The following ZNF793 variants were observed in gnomAD, a reference collection of about 807,000 sequenced individuals.
The protein encoded by ZNF793 is zinc finger protein 793.
In ZNF793, 5 loss-of-function variants were observed where a neutral mutation model predicts 12.4. The observed-to-expected ratio is 0.40, with a 90% CI of 0.21 to 0.84. ZNF793 has a LOEUF of 0.84. ZNF793 is among the 40% of genes least tolerant of loss of function. ZNF793 has a pLI of 0.35. For missense variants in ZNF793, 456 were observed against 495.0 expected (o/e 0.92, Z 0.75); for synonymous variants, 162 against 172.4 (o/e 0.94, Z 0.47).
In ZNF793 at chr19:37,512,387, T is replaced by C. The variant is rs571064160; in HGVS notation, c.-276+3984T>C. ...AAAATTAGCCAGGGGTGGTGGTGCG[T>C]GCCTGTAGTCCCAGCTACTCAGGAG... On this transcript the variant is annotated intron_variant, in intron 2 of 7. Coordinates refer to ENST00000627814, the MANE Select transcript of ZNF793 (RefSeq NM_001013659.3). Among the ~76,000 whole-genome samples the C allele has an allele frequency of 3.7e-3, 568 of 151,894 alleles. 6 individuals are homozygous for C. Among genetic ancestry groups the C allele is most frequent in the African/African-American group, 0.013 (544 of 41,446 alleles).
At position 37,506,965 on chromosome 19, in the gene ZNF793, C is replaced by T. The variant is rs1458702442; in HGVS notation, c.-416C>T. On this transcript the variant is annotated splice_region_variant and 5_prime_UTR_variant, in exon 1 of 8. Coordinates refer to ENST00000627814, the MANE Select transcript of ZNF793 (RefSeq NM_001013659.3). ...TTCAGGATGGGACGACCTTATACCG[C>T]GGTGAGGCGGCGTGGCAGGACGACC... The T allele has an allele frequency of 1.3e-5, 2 of 152,218 alleles. No individual in the cohort carries two copies. The highest frequency in any genetic ancestry group is 2.4e-5 in the African/African-American group (1 of 41,452). The allele number at this position is 152,218 out of a possible 1,614,324, so 9.4% of individuals were successfully genotyped here. A position where few individuals can be genotyped will look rare whatever the true frequency, so the allele number is the denominator to read the frequency against.
chr19:37,517,084 CA>C (rs1350908770), intron 2 of ZNF793, among the ~76,000 whole-genome samples: 2 of 152,122 alleles, frequency 1.3e-5, no homozygotes, highest in Non-Finnish European at 2.9e-5. Context: ...CTTACTTCAT[CA>C]GGATAGGTGG....
chr19:37,534,517 C>G (rs764909353), intron 7 of ZNF793: 2 of 151,994 alleles, frequency 1.3e-5, no homozygotes, highest in Non-Finnish European at 2.9e-5. Flanking sequence ...CACACACACA[C>G]GCACACACAC....
At chr19:37,510,350 C>CAA (rs766159707) in intron 2 of ZNF793, among the ~76,000 whole-genome samples, 2 of 123,530 alleles carry the variant, frequency 1.6e-5, no homozygotes, top group African/African-American at 3.0e-5. Flanking sequence ...ACTAAAACTA[C>CAA]AAAAAAAAAA....
At chr19:37,508,579 G>A (rs190748475) in intron 2 of ZNF793, among the ~76,000 whole-genome samples, 176 bp downstream of exon 2, 82 of 152,160 alleles carry the variant, frequency 5.4e-4, no homozygotes, top group African/African-American at 1.9e-3. Flanking sequence ...GGTGGCGGGC[G>A]CCTGAGGTCC....
chr19:37,534,974 A>G (rs1438223046), intron 7 of ZNF793: 2 of 151,916 alleles, frequency 1.3e-5, no homozygotes, highest in Non-Finnish European at 2.9e-5. Flanking sequence ...ATGAGCCACC[A>G]TGCCCAGTCC....
At chr19:37,530,409 G>T (rs557379193) in intron 5 of ZNF793, among the ~76,000 whole-genome samples, 2 of 152,276 alleles carry the variant, frequency 1.3e-5, no homozygotes, top group South Asian at 4.1e-4. Flanking sequence ...CCGTATTTCA[G>T]ACTATCACAT....
intron 2 of ZNF793, among the ~76,000 whole-genome samples, chr19:37,509,925 T>G (rs2042280099): frequency 6.6e-6 from 1 of 152,178 alleles, no homozygotes; most frequent in Admixed American, 6.5e-5. Context: ...TGTCTGTTTT[T>G]GATCTCTAAT....
At chr19:37,534,394 CTG>C (rs1277455965) in intron 7 of ZNF793, 1 of 152,124 alleles carries the variant, frequency 6.6e-6, no homozygotes, top group African/African-American at 2.4e-5. Flanking sequence ...TTTAACCAGT[CTG>C]TGGATTACAC....
In ZNF793 at chr19:37,532,335, A is replaced by G. The variant is rs554056940; in HGVS notation, c.16-21A>G. 26 of 1,609,578 alleles carry G rather than the reference A, an allele frequency of 1.6e-5. No homozygotes were observed. The South Asian group carries it at 1.9e-4, about 12-fold the overall frequency. ...AAACATTTTTTTTCGACATGACTCA[A>G]TGTCATTTTTGTTTCAACAGATACC... On this transcript the variant is annotated intron_variant, in intron 5 of 7. Coordinates refer to ENST00000627814, the MANE Select transcript of ZNF793 (RefSeq NM_001013659.3).
intron 2 of ZNF793, among the ~76,000 whole-genome samples, chr19:37,518,165 G>A (rs992411189): frequency 2.6e-5 from 4 of 151,976 alleles, no homozygotes; most frequent in Admixed American, 1.3e-4. Flanking sequence ...TCGCTCTGTC[G>A]CCCAGGCTGG....
At chr19:37,514,849 T>C (rs2042319217) in intron 2 of ZNF793, among the ~76,000 whole-genome samples, 1 of 152,200 alleles carries the variant, frequency 6.6e-6, no homozygotes, top group Non-Finnish European at 1.5e-5. Flanking sequence ...AATTTACTAA[T>C]GAATTTTACC....
At chr19:37,513,159 A>T (rs1829447738) in intron 2 of ZNF793, among the ~76,000 whole-genome samples, 4 of 152,182 alleles carry the variant, frequency 2.6e-5, no homozygotes, top group African/African-American at 9.7e-5. Flanking sequence ...GATCAAGGCT[A>T]TGCCCACCAG....
intron 2 of ZNF793, among the ~76,000 whole-genome samples, chr19:37,516,520 G>A (rs2042333600): frequency 6.6e-6 from 1 of 152,084 alleles, no homozygotes; most frequent in African/African-American, 2.4e-5. Context: ...CAAATGTTAG[G>A]GACTGATAAG....
chr19:37,525,628 G>A (rs1458611310), intron 5 of ZNF793, among the ~76,000 whole-genome samples: 1 of 135,558 alleles, frequency 7.4e-6, no homozygotes, highest in African/African-American at 2.8e-5. Context: ...GTAGAGACAG[G>A]GTTTCGATGG....
rs763957061 is a variant in ZNF793 at position 37,536,973 on chromosome 19, G to C, written c.315G>C (p.Lys105Asn). ...TGAGGCCAGGCGCAGCCATAAGCAA[G>C]AAAACATTGCCCAAGGAGAAAAGCT... is the stretch of plus-strand genomic sequence containing the variant. ...MLLRPGAAIS[K>N]KTLPKEKSCE... Residue 105 changes from lysine (K) to asparagine (N), a missense_variant, in exon 8 of 8, where the codon AAG (lysine) becomes AAC (asparagine). Physicochemically the swap from Lys to Asn is moderately conservative, Grantham distance 94. Transcript: ENST00000627814. 18 of 1,613,984 alleles carry C rather than the reference G, an allele frequency of 1.1e-5. 1 individual carries two copies. In the South Asian group the frequency reaches 1.9e-4, roughly 17 times the overall value.
intron 7 of ZNF793, chr19:37,535,068 C>T (rs2042493972): frequency 6.6e-6 from 1 of 152,246 alleles, no homozygotes; most frequent in African/African-American, 2.4e-5. Flanking sequence ...CATCTCAGCT[C>T]ACTGCAACCT....
intron 7 of ZNF793, chr19:37,533,841 A>C (rs1202820951): frequency 2.3e-5 from 7 of 301,382 alleles, no homozygotes; most frequent in East Asian, 1.1e-4. Flanking sequence ...TGGGGTGGGG[A>C]GGTGTGAAGG....
chr19:37,507,546 A>T (rs1008794041), intron 1 of ZNF793, among the ~76,000 whole-genome samples: 1 of 152,162 alleles, frequency 6.6e-6, no homozygotes, highest in Admixed American at 6.5e-5. Flanking sequence ...GGTGATTGAG[A>T]CTTACTTCAT....
Sources: gnomAD v4.1 joint callset for allele counts (sites outside exome capture counted in the v4.1 genomes callset) on GRCh38, gnomAD v4.1.1 for gene constraint, MANE v1.5 for transcripts, NCBI Gene and HGNC (gene_info 2026-07-23, HGNC 2026-07-21) for gene names.